REDIC1: variants seen among roughly 807,000 people sequenced by gnomAD.
REDIC1 encodes the protein HEI10 Interacting Protein 1.
At chr12:39,735,160 A>T in the REDIC1 span, among the ~76,000 whole-genome samples, 13 of 152,300 alleles carry the variant, frequency 8.5e-5, no homozygotes, top group Middle Eastern at 6.8e-3. Context: ...AAACCCTAAA[A>T]CATGTGGCTT....
chr12:39,837,722 C>CA, the REDIC1 span, among the ~76,000 whole-genome samples: 6 of 152,124 alleles, frequency 3.9e-5, no homozygotes, highest in Non-Finnish European at 7.4e-5. Context: ...TTTATACAAC[C>CA]AAAAAACACA....
the REDIC1 span, among the ~76,000 whole-genome samples, chr12:39,704,299 C>T: frequency 6.6e-6 from 1 of 152,104 alleles, no homozygotes; most frequent in East Asian, 1.9e-4. Context: ...GACATTTATG[C>T]AGCCAAAAAA....
the REDIC1 span, among the ~76,000 whole-genome samples, chr12:39,895,745 T>C: frequency 8.5e-6 from 1 of 117,480 alleles, no homozygotes. Flanking sequence ...TACACACATG[T>C]ATATGCGTGT....
the REDIC1 span, among the ~76,000 whole-genome samples, chr12:39,731,434 T>C: frequency 9.9e-5 from 15 of 152,220 alleles, no homozygotes; most frequent in Non-Finnish European, 2.1e-4. Context: ...TGGAGTTTGC[T>C]GGAGGTCCAC....
At chr12:39,791,045 T>C in the REDIC1 span, among the ~76,000 whole-genome samples, 2 of 130,674 alleles carry the variant, frequency 1.5e-5, no homozygotes, top group Non-Finnish European at 3.3e-5. Context: ...TTCATGTCCT[T>C]TGCCCACTTT....
At chr12:39,727,293 T>G in the REDIC1 span, among the ~76,000 whole-genome samples, 1 of 152,166 alleles carries the variant, frequency 6.6e-6, no homozygotes, top group Non-Finnish European at 1.5e-5. Context: ...AGTCTTATGT[T>G]TAAGTCCTTA....
the REDIC1 span, among the ~76,000 whole-genome samples, chr12:39,733,743 G>A: frequency 4.6e-5 from 7 of 152,168 alleles, no homozygotes; most frequent in Admixed American, 1.3e-4. Flanking sequence ...AATGGAGGAC[G>A]CCTCTGCCAC....
the REDIC1 span, among the ~76,000 whole-genome samples, chr12:39,727,166 T>C: frequency 2.0e-4 from 31 of 152,200 alleles, no homozygotes; most frequent in Non-Finnish European, 5.9e-5. Context: ...TAGATCCCAT[T>C]TGTCAATTTT....
chr12:39,777,923 G>A, the REDIC1 span, among the ~76,000 whole-genome samples: 1 of 152,226 alleles, frequency 6.6e-6, no homozygotes, highest in Admixed American at 6.5e-5. Flanking sequence ...CTCTGTCCCT[G>A]CAGTAAGGCA....
the REDIC1 span, among the ~76,000 whole-genome samples, chr12:39,707,650 T>C: frequency 6.6e-6 from 1 of 151,890 alleles, no homozygotes; most frequent in Admixed American, 6.6e-5. Context: ...AATGTGTTAA[T>C]TAAACACAAT....
the REDIC1 span, among the ~76,000 whole-genome samples, chr12:39,753,614 G>GT: frequency 6.6e-6 from 1 of 152,296 alleles, no homozygotes; most frequent in African/African-American, 2.4e-5. Context: ...AGAAGCCAAT[G>GT]TGCTCCTGTT....
chr12:39,804,250 T>C, the REDIC1 span, among the ~76,000 whole-genome samples: 1 of 151,976 alleles, frequency 6.6e-6, no homozygotes, highest in Non-Finnish European at 1.5e-5. Context: ...GTAGTAAAAA[T>C]ACAACAAATT....
the REDIC1 span, among the ~76,000 whole-genome samples, chr12:39,891,513 A>G: frequency 6.6e-6 from 1 of 152,132 alleles, no homozygotes; most frequent in Non-Finnish European, 1.5e-5. Flanking sequence ...TATTTACTCA[A>G]CTCTATTGTT....
chr12:39,864,554 C>T, the REDIC1 span, among the ~76,000 whole-genome samples: 1 of 152,190 alleles, frequency 6.6e-6, no homozygotes, highest in African/African-American at 2.4e-5. Flanking sequence ...AACCCACTCT[C>T]TCCTTAATTC....
the REDIC1 span, among the ~76,000 whole-genome samples, chr12:39,906,516 AAC>A: frequency 7.2e-5 from 11 of 152,124 alleles, no homozygotes; most frequent in East Asian, 1.7e-3. Flanking sequence ...ACTTGAAAAA[AAC>A]AGTTTCAACT....
chr12:39,875,275 C>G, the REDIC1 span, among the ~76,000 whole-genome samples: 1 of 152,176 alleles, frequency 6.6e-6, no homozygotes, highest in Admixed American at 6.5e-5. Flanking sequence ...TTAGAGGTCT[C>G]CTAATTCCCT....
At chr12:39,764,435 T>A in the REDIC1 span, 5 of 1,527,150 alleles carry the variant, frequency 3.3e-6, no homozygotes, top group African/African-American at 7.0e-5. Context: ...AAAACAAAAC[T>A]ATGTTAGAAA....
chr12:39,644,568 A>C, the REDIC1 span, among the ~76,000 whole-genome samples: 1 of 151,926 alleles, frequency 6.6e-6, no homozygotes, highest in African/African-American at 2.4e-5. Context: ...ATAGAAATTG[A>C]TCAGAGTATT....
chr12:39,763,421 T>C, the REDIC1 span, among the ~76,000 whole-genome samples: 1 of 152,254 alleles, frequency 6.6e-6, no homozygotes, highest in East Asian at 1.9e-4. Context: ...CTGCAAAATT[T>C]ATCCATGTAT....
Sources: gnomAD v4.1 joint callset for allele counts (sites outside exome capture counted in the v4.1 genomes callset) on GRCh38, gnomAD v4.1.1 for gene constraint, MANE v1.5 for transcripts, NCBI Gene and HGNC (gene_info 2026-07-23, HGNC 2026-07-21) for gene names.